Variants in MAP7 observed in about 807,000 individuals in gnomAD.
MAP7 encodes ensconsin.
MAP7 carries 52 observed loss-of-function variants against 94.8 expected under a neutral mutation model. That is an observed-to-expected ratio of 0.55 (90% CI 0.44 to 0.69). The LOEUF (loss-of-function observed/expected upper bound fraction) is 0.69. MAP7 is among the 30% of genes least tolerant of loss of function. The pLI, the probability that MAP7 is intolerant of heterozygous loss-of-function variation, is 0.00. For synonymous variants in MAP7, 350 were observed against 357.0 expected (o/e 0.98, Z 0.22); for missense variants, 940 against 964.6 (o/e 0.97, Z 0.34).
chr6:136,541,874 C>A (rs1829351311), intron 1 of MAP7, among the ~76,000 whole-genome samples: 1 of 152,098 alleles, frequency 6.6e-6, no homozygotes, highest in African/African-American at 2.4e-5. Context: ...GCCTGGCCAA[C>A]ACGGCAAAAC....
At chr6:136,538,098 T>C (rs1829028640) in intron 1 of MAP7, among the ~76,000 whole-genome samples, 1 of 152,226 alleles carries the variant, frequency 6.6e-6, no homozygotes, top group Non-Finnish European at 1.5e-5. Flanking sequence ...TTTTAAAAGA[T>C]ATAAAATTCT....
At chr6:136,486,816 A>T (rs1053017608) in intron 1 of MAP7, among the ~76,000 whole-genome samples, 7 of 152,238 alleles carry the variant, frequency 4.6e-5, no homozygotes, top group African/African-American at 1.7e-4. Flanking sequence ...AGATATCTGA[A>T]ATCATCATTC....
intron 1 of MAP7, among the ~76,000 whole-genome samples, chr6:136,423,480 C>T (rs1453327137): frequency 2.0e-5 from 3 of 152,084 alleles, no homozygotes; most frequent in African/African-American, 4.8e-5. Flanking sequence ...AACTTGGTGA[C>T]GGGGTCCTGG....
chr6:136,402,905 C>CAAAAAAAAAAAAAAAAAAAAAAAA (rs57114676), intron 3 of MAP7, among the ~76,000 whole-genome samples: 4 of 67,396 alleles, frequency 5.9e-5, no homozygotes, highest in Non-Finnish European at 7.7e-5. Context: ...GACTCTGTCT[C>CAAAAAAAAAAAAAAAAAAAAAAAA]AAAAAAAAAA....
intron 1 of MAP7, among the ~76,000 whole-genome samples, chr6:136,422,477 AT>A (rs1226361714): frequency 6.6e-6 from 1 of 152,084 alleles, no homozygotes; most frequent in East Asian, 1.9e-4. Context: ...ATTTATCTAC[AT>A]CTAACTTTTA....
chr6:136,519,698 G>A (rs1825843400), intron 1 of MAP7, among the ~76,000 whole-genome samples: 1 of 152,180 alleles, frequency 6.6e-6, no homozygotes, highest in Non-Finnish European at 1.5e-5. Flanking sequence ...TTAACAAAGT[G>A]GGGGCGGGGG....
At chr6:136,362,999 G>C (rs1793282020) in intron 10 of MAP7, among the ~76,000 whole-genome samples, 1 of 152,186 alleles carries the variant, frequency 6.6e-6, no homozygotes, top group Non-Finnish European at 1.5e-5. Context: ...CCTCATGTTA[G>C]AGTCTGTGGG....
intron 2 of MAP7, among the ~76,000 whole-genome samples, chr6:136,412,444 A>G (rs375375791): frequency 6.6e-6 from 1 of 152,210 alleles, no homozygotes; most frequent in African/African-American, 2.4e-5. Context: ...ATAGAATGAA[A>G]GAAGGAGAAA....
Position 136,499,463 on chromosome 6 carries a change from G to C in MAP7, c.67+50879C>G, listed in dbSNP as rs77318165. On this transcript the variant is annotated intron_variant, in intron 1 of 17. Transcript: ENST00000354570. The stretch of plus-strand genomic sequence containing the variant: ...AAACAAGACTCAGAGGTTAGGTAAC[G>C]GTGCCTAGTTACACAGCTGATGACA... Among the ~76,000 whole-genome samples, 1,046 of 151,214 alleles carry C rather than the reference G, an allele frequency of 6.9e-3. 5 individuals carry two copies. Among genetic ancestry groups the C allele is most frequent in the Non-Finnish European group, 0.012 (800 of 68,004 alleles).
intron 1 of MAP7, among the ~76,000 whole-genome samples, chr6:136,424,079 T>C (rs1392023187): frequency 6.6e-6 from 1 of 152,126 alleles, no homozygotes; most frequent in Admixed American, 6.5e-5. Flanking sequence ...ATTACAGGTG[T>C]GAGCCACCAC....
chr6:136,488,444 CTTTTTT>C (rs1262255093), intron 1 of MAP7, among the ~76,000 whole-genome samples: 1 of 133,420 alleles, frequency 7.5e-6, no homozygotes, highest in African/African-American at 2.8e-5. Context: ...ATGCTAGGTA[CTTTTTT>C]TTTTTTTTTT....
At chr6:136,486,026 G>T (rs1814631223) in intron 1 of MAP7, among the ~76,000 whole-genome samples, 1 of 152,152 alleles carries the variant, frequency 6.6e-6, no homozygotes, top group South Asian at 2.1e-4. Context: ...ACCAATTAGA[G>T]TAATAAACCA....
intron 1 of MAP7, among the ~76,000 whole-genome samples, chr6:136,439,075 T>C (rs912486172): frequency 6.6e-6 from 1 of 152,234 alleles, no homozygotes; most frequent in Non-Finnish European, 1.5e-5. Flanking sequence ...GATAGGTTAA[T>C]ACCTGCTATG....
At chr6:136,367,563 TATC>T (rs1459498840) in intron 8 of MAP7, among the ~76,000 whole-genome samples, 2 of 152,220 alleles carry the variant, frequency 1.3e-5, no homozygotes, top group Non-Finnish European at 2.9e-5. Flanking sequence ...TGGTCTGGGT[TATC>T]AGAGGAGCAA....
intron 2 of MAP7, among the ~76,000 whole-genome samples, chr6:136,415,415 C>T (rs1789057909): frequency 6.6e-6 from 1 of 152,186 alleles, no homozygotes; most frequent in Non-Finnish European, 1.5e-5. Flanking sequence ...GTCTAGCTTA[C>T]TTTCAAGTAC....
chr6:136,403,698 T>A (rs765571267), intron 3 of MAP7, among the ~76,000 whole-genome samples: 3 of 152,192 alleles, frequency 2.0e-5, no homozygotes, highest in Non-Finnish European at 4.4e-5. Context: ...AAAGGCAAAG[T>A]AATTTGGGGA....
intron 1 of MAP7, among the ~76,000 whole-genome samples, chr6:136,456,390 G>A (rs762146201): frequency 6.6e-6 from 1 of 152,090 alleles, no homozygotes; most frequent in Non-Finnish European, 1.5e-5. Context: ...GAAAGAAAAA[G>A]GCCAGGCATG....
At chr6:136,448,062 C>T (rs1323121198) in intron 1 of MAP7, among the ~76,000 whole-genome samples, 1 of 152,036 alleles carries the variant, frequency 6.6e-6, no homozygotes, top group Non-Finnish European at 1.5e-5. Context: ...CGTGGTGGCA[C>T]CTGCCTGTAA....
chr6:136,489,522 G>GCTTCTTT (rs1562456485), intron 1 of MAP7, among the ~76,000 whole-genome samples: 1 of 124,322 alleles, frequency 8.0e-6, no homozygotes, highest in Admixed American at 8.0e-5. Flanking sequence ...GTAACATCAG[G>GCTTCTTT]TTTCTTTTTT....
Sources: gnomAD v4.1 joint callset for allele counts (sites outside exome capture counted in the v4.1 genomes callset) on GRCh38, gnomAD v4.1.1 for gene constraint, MANE v1.5 for transcripts, NCBI Gene and HGNC (gene_info 2026-07-23, HGNC 2026-07-21) for gene names.